The following AASDH variants were observed in gnomAD, a reference collection of about 807,000 sequenced individuals.
AASDH encodes aminoadipate-semialdehyde dehydrogenase.
In AASDH, 81 loss-of-function variants were observed where a neutral mutation model predicts 102.3. That is an observed-to-expected ratio of 0.79 (90% CI 0.66 to 0.95). AASDH has a LOEUF of 0.95. AASDH is among the 40% of genes least tolerant of loss of function. The pLI is 0.00. For missense variants in AASDH, 1,203 were observed against 1,266.2 expected (o/e 0.95, Z 0.76); for synonymous variants, 398 against 454.0 (o/e 0.88, Z 1.57).
At chr4:56,342,037 G>A (rs541810819) in intron 14 of AASDH, among the ~76,000 whole-genome samples, 50 of 150,460 alleles carry the variant, frequency 3.3e-4, no homozygotes, top group Non-Finnish European at 6.0e-4. Context: ...GCTTGAACCC[G>A]TGAGGCGGAG....
intron 9 of AASDH, among the ~76,000 whole-genome samples, chr4:56,352,028 G>T (rs1193226808): frequency 6.6e-6 from 1 of 152,016 alleles, no homozygotes; most frequent in African/African-American, 2.4e-5. Context: ...ATTACTGCAT[G>T]TTGAAGTATA....
chr4:56,366,726 T>C (rs1366116035), intron 5 of AASDH, among the ~76,000 whole-genome samples: 1 of 151,148 alleles, frequency 6.6e-6, no homozygotes, highest in Admixed American at 6.6e-5. Flanking sequence ...TATCTCAAAA[T>C]AATAAGAGCT....
rs79964625 is a variant in AASDH, at chr4:56,352,606, G to A, written c.1576+798C>T. Reference sequence around the variant, plus strand: ...AGACAGGGTTTCACCATTTTGGCCAGGCCAGTCTCAAACTCCCAACCTCAA... The same window carrying A: ...AGACAGGGTTTCACCATTTTGGCCAAGCCAGTCTCAAACTCCCAACCTCAA... On this transcript the variant is annotated intron_variant, in intron 9 of 14. Transcript: ENST00000205214. Among the ~76,000 whole-genome samples, 61 of 152,304 alleles carry A rather than the reference G, an allele frequency of 4.0e-4. No individual in the cohort carries two copies. The East Asian group carries it at 7.3e-3, about 18-fold the overall frequency.
intron 3 of AASDH, among the ~76,000 whole-genome samples, chr4:56,380,614 T>C (rs1222019985): frequency 6.6e-6 from 1 of 152,210 alleles, no homozygotes; most frequent in Non-Finnish European, 1.5e-5. Flanking sequence ...TATCACACTA[T>C]GTAGATGTTA....
In AASDH at chr4:56,338,301, A is replaced by AAAT. The variant is rs1747088312; in HGVS notation, c.*98_*100dup. ...TAGACAAGTTTCCGTTTCTTAGCCA[A>AAAT]AATATAATCTTCTTTAATATAAAAT... On this transcript the variant is annotated 3_prime_UTR_variant, in exon 15 of 15. Transcript: ENST00000205214. 3 of 1,332,396 alleles carry AAAT rather than the reference A, an allele frequency of 2.3e-6. No individual in the cohort carries two copies. Among genetic ancestry groups the AAAT allele is most frequent in the Non-Finnish European group, 3.0e-6 (3 of 986,888 alleles). 82.5% of individuals were successfully genotyped at this position (1,332,396 alleles called of 1,614,324 possible).
intron 1 of AASDH, among the ~76,000 whole-genome samples, chr4:56,384,694 C>T (rs1753352519): frequency 6.6e-6 from 1 of 150,598 alleles, no homozygotes; most frequent in African/African-American, 2.4e-5. Flanking sequence ...TAAAGGACCC[C>T]ACACTTAATT....
intron 4 of AASDH, among the ~76,000 whole-genome samples, chr4:56,373,000 AT>A (rs1751927096): frequency 6.6e-6 from 1 of 152,148 alleles, no homozygotes; most frequent in African/African-American, 2.4e-5. Flanking sequence ...TCTGTGTGGC[AT>A]TTCTTCCTCC....
intron 5 of AASDH, among the ~76,000 whole-genome samples, chr4:56,362,368 G>T (rs886825834): frequency 9.2e-5 from 14 of 152,162 alleles, no homozygotes; most frequent in African/African-American, 3.4e-4. Flanking sequence ...GGATTCAAGA[G>T]ATTCCCCTGC....
chr4:56,342,512 G>T (rs926899702), intron 14 of AASDH, among the ~76,000 whole-genome samples: 1 of 151,954 alleles, frequency 6.6e-6, no homozygotes, highest in Non-Finnish European at 1.5e-5. Flanking sequence ...CTAAAAACTG[G>T]TAATATTTTA....
At position 56,338,688 on chromosome 4, in the gene AASDH, C is replaced by G; in HGVS notation, c.3011G>C (p.Cys1004Ser). Residue 1004 changes from cysteine to serine, a missense_variant, in exon 15 of 15, where the codon TGT becomes TCT. Cys to Ser is a moderately radical substitution (Grantham distance 112). Transcript: ENST00000205214. Reference sequence around the variant, plus strand: ...CCACTGCAGGTGACCTTTCATGTTACAACAGTAGATAAAGCAATCATGGGA... The same window carrying G: ...CCACTGCAGGTGACCTTTCATGTTAGAACAGTAGATAAAGCAATCATGGGA... ...FGSHDCFIYC[C>S]NMKGHLQWKF... The G allele has an allele frequency of 6.2e-7, 1 of 1,614,170 alleles. No homozygotes were observed. Among genetic ancestry groups the G allele is most frequent in the Non-Finnish European group, 8.5e-7 (1 of 1,180,026 alleles).
chr4:56,361,712 G>T (rs1437641024), intron 5 of AASDH, among the ~76,000 whole-genome samples: 1 of 152,188 alleles, frequency 6.6e-6, no homozygotes, highest in Non-Finnish European at 1.5e-5. Flanking sequence ...GCTCATGCCT[G>T]TAATCCTAGC....
At position 56,342,901 on chromosome 4, in the gene AASDH, G is replaced by T. The variant is rs1487842503; in HGVS notation, c.2841C>A (p.Cys947Ter). ...GKPLFSSPQC[C>*]SQYICIGCVD... The stretch of plus-strand genomic sequence containing the variant: ...CACAGCCAATACAAATATACTGTGA[G>T]CAACATTGTGGGGAAGAGAAGAGTG... Residue 947 changes from cysteine (C) to a stop codon, truncating the protein, a stop_gained, in exon 14 of 15, where the codon TGC (cysteine) becomes TGA (stop). Transcript: ENST00000205214. LOFTEE classifies it high-confidence loss of function. 6.3e-7 allele frequency: 1 copy of T among 1,593,374 alleles called. No homozygotes were observed. Among genetic ancestry groups the T allele is most frequent in the South Asian group, 1.1e-5 (1 of 88,350 alleles).
chr4:56,351,385 C>T lies in AASDH; in HGVS notation c.1649G>A (p.Ser550Asn). The part of the protein sequence containing the change: ...YINLKSENKL[S>N]GKEDLWEKLQ... ...TTTTTCCCAAAGGTCCTCTTTCCCACTGAGCTTATTCTCAGACTTCAAGTT... is the reference window on the plus strand; with the variant it reads ...TTTTTCCCAAAGGTCCTCTTTCCCATTGAGCTTATTCTCAGACTTCAAGTT... Residue 550 changes from serine to asparagine, a missense_variant, in exon 10 of 15, where the codon AGT (serine) becomes AAT (asparagine). Transcript: ENST00000205214. The T allele has an allele frequency of 6.2e-7, 1 of 1,603,852 alleles. No homozygotes were observed.
intron 2 of AASDH, among the ~76,000 whole-genome samples, chr4:56,383,812 T>C (rs1753245941): frequency 6.6e-6 from 1 of 152,214 alleles, no homozygotes; most frequent in South Asian, 2.1e-4. Flanking sequence ...AACAGATTAA[T>C]GAAGCCCTTA....
At chr4:56,377,234 T>C (rs1032505446) in intron 4 of AASDH, among the ~76,000 whole-genome samples, 19 of 152,352 alleles carry the variant, frequency 1.2e-4, no homozygotes, top group Admixed American at 8.5e-4. Flanking sequence ...ATGAGGTTTC[T>C]ATTTCTGTTT....
At chr4:56,344,089 C>G (rs1158927438) in intron 12 of AASDH, among the ~76,000 whole-genome samples, 2 of 152,138 alleles carry the variant, frequency 1.3e-5, no homozygotes, top group Admixed American at 6.5e-5. Flanking sequence ...TAATTTCTCT[C>G]TCTACCTTAT....
At position 56,382,625 on chromosome 4, in the gene AASDH, A is replaced by G. The variant is rs775787940; in HGVS notation, c.231-28T>C. On this transcript the variant is annotated intron_variant, in intron 2 of 14. Coordinates refer to ENST00000205214, the MANE Select transcript of AASDH (RefSeq NM_181806.4). The stretch of plus-strand genomic sequence containing the variant: ...AAAGAAAAAAGTACACAGTCAGCAT[A>G]GAATGTCTGTTGATTTAGTATTTGT... 1.1e-5 allele frequency: 18 copies of G among 1,590,212 alleles called. No individual in the cohort carries two copies. The East Asian group carries it at 4.1e-4, about 36-fold the overall frequency.
chr4:56,382,629 T>A, intron 2 of AASDH, 32 bp from the exon 3 acceptor site: 1 of 1,586,658 alleles, frequency 6.3e-7, no homozygotes, highest in Middle Eastern at 1.7e-4. Flanking sequence ...CAGCATAGAA[T>A]GTCTGTTGAT....
chr4:56,357,215 C>T (rs541295163), intron 5 of AASDH, among the ~76,000 whole-genome samples: 11 of 152,228 alleles, frequency 7.2e-5, no homozygotes, highest in East Asian at 1.9e-4. Flanking sequence ...GTAGTGCTGA[C>T]GGTTCTGGAG....
Sources: gnomAD v4.1 joint callset for allele counts (sites outside exome capture counted in the v4.1 genomes callset) on GRCh38, gnomAD v4.1.1 for gene constraint, MANE v1.5 for transcripts, NCBI Gene and HGNC (gene_info 2026-07-23, HGNC 2026-07-21) for gene names.